SYT14: variants seen among roughly 807,000 people sequenced by gnomAD.
SYT14 encodes synaptotagmin-14.
SYT14 carries 32 observed loss-of-function variants against 74.2 expected under a neutral mutation model. The observed-to-expected ratio is 0.43, with a 90% CI of 0.33 to 0.58. The LOEUF is 0.58. Ranked by LOEUF, SYT14 falls within the 20% of genes least tolerant of loss-of-function variation. The pLI is 0.05. For missense variants in SYT14, 791 were observed against 981.8 expected (o/e 0.81, Z 2.60); for synonymous variants, 298 against 337.7 (o/e 0.88, Z 1.29).
chr1:210,106,057 A>G (rs1290787254), intron 7 of SYT14, among the ~76,000 whole-genome samples: 1 of 152,226 alleles, frequency 6.6e-6, no homozygotes, highest in Non-Finnish European at 1.5e-5. Flanking sequence ...AGAATGGCCT[A>G]ACACAGCAGG....
intron 5 of SYT14, among the ~76,000 whole-genome samples, chr1:210,056,849 T>TTTA (rs751703678): frequency 4.0e-5 from 6 of 151,424 alleles, no homozygotes; most frequent in Admixed American, 2.6e-4. Flanking sequence ...TATTTATTTA[T>TTTA]TTATTTATTT....
chr1:209,940,917 A>G (rs1355245925), intron 1 of SYT14, among the ~76,000 whole-genome samples: 1 of 152,234 alleles, frequency 6.6e-6, no homozygotes, highest in African/African-American at 2.4e-5. Context: ...AATCCTATTA[A>G]TATAGCTTAA....
intron 5 of SYT14, among the ~76,000 whole-genome samples, chr1:210,070,910 ATTTT>A (rs200981834): frequency 0.1 from 11,599 of 115,958 alleles, 1,499 homozygotes; most frequent in African/African-American, 0.35. Context: ...GTTGGGTATA[ATTTT>A]TTTTTTTTTT....
At chr1:210,094,088 C>T (rs2081925574) in intron 5 of SYT14, among the ~76,000 whole-genome samples, 1 of 152,168 alleles carries the variant, frequency 6.6e-6, no homozygotes, top group Admixed American at 6.5e-5. Context: ...GATCTTTCTT[C>T]GTATATGACT....
intron 5 of SYT14, among the ~76,000 whole-genome samples, chr1:210,053,002 A>G (rs1265776281): frequency 6.6e-6 from 1 of 152,158 alleles, no homozygotes; most frequent in African/African-American, 2.4e-5. Context: ...ACAATATCCT[A>G]CATGACTACA....
At chr1:210,131,501 A>C (rs1241713550) in intron 7 of SYT14, among the ~76,000 whole-genome samples, 2 of 151,866 alleles carry the variant, frequency 1.3e-5, no homozygotes, top group East Asian at 3.8e-4. Context: ...TTTTTCGTAG[A>C]GGCAAGACTT....
intron 7 of SYT14, among the ~76,000 whole-genome samples, chr1:210,146,590 C>T (rs1404512075): frequency 6.6e-6 from 1 of 151,560 alleles, no homozygotes; most frequent in Non-Finnish European, 1.5e-5. Flanking sequence ...AGCAGTGACT[C>T]GGATATCTCA....
At chr1:209,953,085 C>G in intron 2 of SYT14, 1 of 1,322,714 alleles carries the variant, frequency 7.6e-7, no homozygotes, top group Non-Finnish European at 9.9e-7. Flanking sequence ...GCTGATCTCC[C>G]ATTGACTTCT....
At chr1:210,113,497 T>C (rs1167495811) in intron 7 of SYT14, among the ~76,000 whole-genome samples, 1 of 151,310 alleles carries the variant, frequency 6.6e-6, no homozygotes, top group Non-Finnish European at 1.5e-5. Flanking sequence ...TAAAAGGCCA[T>C]GCTGTAACAG....
rs554162770 is a variant in SYT14 at position 210,036,577 on chromosome 1, T to C, written c.1312+15323T>C. ...ATGCTGGCTGTGAGTTCGTTGCATA[T>C]GGCTTTTATTATTTTGAGATATGTT... On this transcript the variant is annotated intron_variant, in intron 5 of 9. Transcript: ENST00000637265. 2.0e-5 allele frequency among the ~76,000 whole-genome samples: 3 copies of C among 152,138 alleles called. No individual in the cohort carries two copies. The East Asian group carries it at 5.8e-4, about 29-fold the overall frequency.
At position 210,113,458 on chromosome 1, in the gene SYT14, G is replaced by A. The variant is rs961985767; in HGVS notation, c.2034+12997G>A. ...GTCCGGTTTTTGGACAGGTAAAATG[G>A]GTGAATTGTAAGGAGAGTTTATAGG... On this transcript the variant is annotated intron_variant, in intron 7 of 9. Transcript: ENST00000637265. 6.6e-5 allele frequency among the ~76,000 whole-genome samples: 10 copies of A among 151,234 alleles called. 1 individual carries two copies. Among genetic ancestry groups the A allele is most frequent in the Admixed American group, 6.6e-4 (10 of 15,250 alleles).
At chr1:210,059,679 G>A (rs917431854) in intron 5 of SYT14, among the ~76,000 whole-genome samples, 2 of 151,974 alleles carry the variant, frequency 1.3e-5, no homozygotes, top group Non-Finnish European at 2.9e-5. Context: ...CATTGCACTA[G>A]GGGTCCATAC....
chr1:210,166,375 G>T (rs1239721518), exon 10 of SYT14: 1 of 152,312 alleles, frequency 6.6e-6, no homozygotes, highest in Non-Finnish European at 1.5e-5. Flanking sequence ...AGACCAGCCT[G>T]GGCAACATAG....
At chr1:209,996,959 C>A (rs227182) in intron 2 of SYT14, among the ~76,000 whole-genome samples, 51,975 of 151,756 alleles carry the variant, frequency 0.34, 9,867 homozygotes, top group Non-Finnish European at 0.42. Context: ...ATCAAAGGAA[C>A]ATACCTCAAA....
chr1:210,052,415 C>T (rs2081014194), intron 5 of SYT14, among the ~76,000 whole-genome samples: 2 of 152,060 alleles, frequency 1.3e-5, no homozygotes, highest in Non-Finnish European at 2.9e-5. Flanking sequence ...GTAATCCCAG[C>T]ACCCTGGGAG....
chr1:209,987,292 CTA>C (rs1329274080), intron 2 of SYT14, among the ~76,000 whole-genome samples: 1 of 152,186 alleles, frequency 6.6e-6, no homozygotes, highest in East Asian at 1.9e-4. Flanking sequence ...TCTTGTGTTG[CTA>C]TAAAGAAATA....
At chr1:209,976,194 T>C (rs1169945088) in intron 2 of SYT14, among the ~76,000 whole-genome samples, 1 of 152,090 alleles carries the variant, frequency 6.6e-6, no homozygotes, top group Non-Finnish European at 1.5e-5. Flanking sequence ...TTTTTGTGTC[T>C]CTATTTCCTT....
intron 7 of SYT14, among the ~76,000 whole-genome samples, chr1:210,116,661 T>C (rs946271333): frequency 6.6e-6 from 1 of 152,218 alleles, no homozygotes. Context: ...CTCATTGTTT[T>C]ATATCTTAAT....
intron 5 of SYT14, among the ~76,000 whole-genome samples, chr1:210,045,867 A>T (rs1239914248): frequency 6.6e-6 from 1 of 152,136 alleles, no homozygotes; most frequent in Admixed American, 6.5e-5. Flanking sequence ...TTATCGTTAT[A>T]TATTTTCATT....
Sources: allele counts gnomAD v4.1 joint callset (sites outside exome capture counted in the v4.1 genomes callset), GRCh38; gene constraint gnomAD v4.1.1; transcripts MANE v1.5; gene names NCBI Gene and HGNC (gene_info 2026-07-23, HGNC 2026-07-21).